MAML2: variants seen among roughly 807,000 people sequenced by gnomAD.
MAML2 encodes mastermind like transcriptional coactivator 2, also known as mastermind-like protein 2.
In MAML2, 22 loss-of-function variants were observed where a neutral mutation model predicts 96.1. The observed-to-expected ratio is 0.23, with a 90% CI of 0.16 to 0.33. The LOEUF is 0.33. Ranked by LOEUF, MAML2 falls within the 10% of genes least tolerant of loss-of-function variation. The probability of loss-of-function intolerance (pLI) is 1.00; values close to 1 mark genes in which losing one functional copy is unlikely to be tolerated. For synonymous variants in MAML2, 561 were observed against 521.3 expected, an observed-to-expected ratio of 1.08 and a Z score of -1.04; for missense variants, 1,367 against 1,392.4, an observed-to-expected ratio of 0.98 and a Z score of 0.29.
intron 1 of MAML2, among the ~76,000 whole-genome samples, chr11:96,246,628 C>T (rs1862515645): frequency 6.6e-6 from 1 of 152,108 alleles, no homozygotes; most frequent in African/African-American, 2.4e-5. Context: ...AAGACTCCTG[C>T]ATTGTTTCAG....
At chr11:96,231,439 G>T (rs1002724875) in intron 1 of MAML2, among the ~76,000 whole-genome samples, 1 of 152,110 alleles carries the variant, frequency 6.6e-6, no homozygotes, top group Non-Finnish European at 1.5e-5. Context: ...TTTTATACTG[G>T]AGCTGGGAGA....
At chr11:96,201,977 A>G (rs998913947) in intron 1 of MAML2, among the ~76,000 whole-genome samples, 2 of 151,578 alleles carry the variant, frequency 1.3e-5, no homozygotes, top group Non-Finnish European at 1.5e-5. Context: ...TTAATCACAC[A>G]CAGGAGGAAA....
At chr11:96,340,439 G>A (rs1035823620) in intron 1 of MAML2, among the ~76,000 whole-genome samples, 13 of 152,206 alleles carry the variant, frequency 8.5e-5, no homozygotes, top group African/African-American at 2.7e-4. Context: ...CAGCTTTGGG[G>A]GGAAGCCTGC....
intron 1 of MAML2, among the ~76,000 whole-genome samples, chr11:96,183,450 T>A (rs1861522172): frequency 7.6e-6 from 1 of 131,922 alleles, no homozygotes. Flanking sequence ...AGGGCTGGAG[T>A]ACAGTGGCAC....
intron 1 of MAML2, among the ~76,000 whole-genome samples, chr11:96,243,988 T>C (rs1301471876): frequency 6.6e-6 from 1 of 152,232 alleles, no homozygotes; most frequent in Non-Finnish European, 1.5e-5. Context: ...TCCGCTGGCC[T>C]TCCTCTGCAC....
At chr11:96,102,759 C>T (rs1189683086) in intron 1 of MAML2, among the ~76,000 whole-genome samples, 2 of 152,098 alleles carry the variant, frequency 1.3e-5, no homozygotes, top group African/African-American at 2.4e-5. Context: ...TGTTATAAAG[C>T]AAGGATCTGA....
At chr11:96,325,103 T>C (rs938846745) in intron 1 of MAML2, among the ~76,000 whole-genome samples, 2 of 152,206 alleles carry the variant, frequency 1.3e-5, no homozygotes, top group Non-Finnish European at 2.9e-5. Flanking sequence ...ATGATTGCCA[T>C]TCTTTCTAGG....
chr11:95,981,558 A>G (rs1857738345), intron 4 of MAML2, among the ~76,000 whole-genome samples: 1 of 152,208 alleles, frequency 6.6e-6, no homozygotes, highest in Admixed American at 6.5e-5. Flanking sequence ...TGAAAAACTG[A>G]GGGCCAAATG....
chr11:96,006,711 A>G (rs1014845677), intron 2 of MAML2, among the ~76,000 whole-genome samples: 1 of 151,524 alleles, frequency 6.6e-6, no homozygotes, highest in Non-Finnish European at 1.5e-5. Context: ...GGCACGTGCC[A>G]CCATACCTGG....
chr11:96,313,230 C>G (rs1863571341), intron 1 of MAML2, among the ~76,000 whole-genome samples: 1 of 152,162 alleles, frequency 6.6e-6, no homozygotes, highest in Admixed American at 6.5e-5. Context: ...TATCTAACTT[C>G]TGAGACCAAT....
chr11:96,183,915 G>C (rs928026751), intron 1 of MAML2, among the ~76,000 whole-genome samples: 1 of 152,062 alleles, frequency 6.6e-6, no homozygotes, highest in African/African-American at 2.4e-5. Flanking sequence ...AGCATACCCA[G>C]TACATTTACT....
intron 1 of MAML2, among the ~76,000 whole-genome samples, chr11:96,113,626 A>G (rs915288533): frequency 1.3e-5 from 2 of 151,132 alleles, no homozygotes; most frequent in African/African-American, 4.9e-5. Context: ...AAAGAAAAGA[A>G]AAAAAAGAGA....
intron 2 of MAML2, among the ~76,000 whole-genome samples, chr11:95,998,940 C>T (rs1250387457): frequency 6.6e-5 from 10 of 152,186 alleles, no homozygotes; most frequent in Non-Finnish European, 1.5e-4. Context: ...TCTATGTCTA[C>T]AAACCTGGGA....
At chr11:96,243,957 A>T (rs1862476832) in intron 1 of MAML2, among the ~76,000 whole-genome samples, 1 of 152,152 alleles carries the variant, frequency 6.6e-6, no homozygotes. Context: ...TCCTTCTTTA[A>T]CCACGACATA....
At chr11:96,196,346 A>C (rs1250557735) in intron 1 of MAML2, among the ~76,000 whole-genome samples, 7 of 152,232 alleles carry the variant, frequency 4.6e-5, no homozygotes, top group Non-Finnish European at 8.8e-5. Context: ...GACTCGGCTT[A>C]AAAAACCTTT....
intron 1 of MAML2, among the ~76,000 whole-genome samples, chr11:96,319,730 C>T (rs1486304224): frequency 6.6e-6 from 1 of 152,092 alleles, no homozygotes; most frequent in Non-Finnish European, 1.5e-5. Flanking sequence ...AGGAGATATT[C>T]TTGTGAACTT....
At chr11:96,307,936 T>A (rs1169508326) in intron 1 of MAML2, among the ~76,000 whole-genome samples, 1 of 152,182 alleles carries the variant, frequency 6.6e-6, no homozygotes, top group Non-Finnish European at 1.5e-5. Context: ...GATATCATTT[T>A]ATAGGGGAAA....
chr11:96,174,716 A>G (rs904698694), intron 1 of MAML2, among the ~76,000 whole-genome samples: 3 of 152,224 alleles, frequency 2.0e-5, no homozygotes, highest in African/African-American at 7.2e-5. Flanking sequence ...AGTACCCACA[A>G]GCCCAAGTGA....
At chr11:96,073,564 C>T (rs1859382592) in intron 2 of MAML2, among the ~76,000 whole-genome samples, 1 of 152,100 alleles carries the variant, frequency 6.6e-6, no homozygotes, top group Non-Finnish European at 1.5e-5. Context: ...TCATGATCCA[C>T]CTGCCTCTGC....
Sources: allele counts gnomAD v4.1 joint callset (sites outside exome capture counted in the v4.1 genomes callset), GRCh38; gene constraint gnomAD v4.1.1; transcripts MANE v1.5; gene names NCBI Gene and HGNC (gene_info 2026-07-23, HGNC 2026-07-21).